Variants in GLB1 observed in about 807,000 individuals in gnomAD.
GLB1 encodes the protein galactosidase beta 1.
A neutral mutation model predicts 74.0 loss-of-function variants in GLB1; 56 were observed. The observed-to-expected ratio is 0.76, with a 90% CI of 0.61 to 0.94. The LOEUF (loss-of-function observed/expected upper bound fraction) is 0.94, where lower values mean the gene tolerates loss of function less well. Ranked by LOEUF, GLB1 falls within the 40% of genes least tolerant of loss-of-function variation. The probability of loss-of-function intolerance (pLI) is 0.00; values close to 1 mark genes in which losing one functional copy is unlikely to be tolerated. For synonymous variants in GLB1, 323 were observed against 323.6 expected, an observed-to-expected ratio of 1.00 and a Z score of 0.02; for missense variants, 787 against 845.5, an observed-to-expected ratio of 0.93 and a Z score of 0.86.
downstream of GLB1, among the ~76,000 whole-genome samples, chr3:32,993,757 A>G (rs1281974925): frequency 6.6e-6 from 1 of 151,750 alleles, no homozygotes; most frequent in Non-Finnish European, 1.5e-5. Flanking sequence ...GCTGGTCTCG[A>G]ACTCCTGACC....
downstream of GLB1, chr3:32,996,492 T>C (rs1696313117): frequency 5.2e-6 from 1 of 190,578 alleles, no homozygotes; most frequent in African/African-American, 2.4e-5. Flanking sequence ...ACTGTGCAAC[T>C]GTTAATCATT....
At chr3:32,988,541 C>T in the GLB1 span, among the ~76,000 whole-genome samples, 39 of 152,306 alleles carry the variant, frequency 2.6e-4, no homozygotes, top group African/African-American at 8.9e-4. Context: ...ATGGGTGGCT[C>T]CTTCCTAGCT....
intron 10 of GLB1, among the ~76,000 whole-genome samples, chr3:33,036,729 G>C (rs60508576): frequency 0.86 from 129,996 of 151,816 alleles, 56,429 homozygotes; most frequent in Admixed American, 0.93. Flanking sequence ...ACGTTACAAC[G>C]TTGAAAACAT....
chr3:32,992,962 C>A (rs1293874707), downstream of GLB1, among the ~76,000 whole-genome samples: 6 of 152,184 alleles, frequency 3.9e-5, no homozygotes, highest in African/African-American at 1.4e-4. Flanking sequence ...ACCACCTGGC[C>A]CCACTGTCTG....
chr3:32,967,647 C>T, the GLB1 span, among the ~76,000 whole-genome samples: 1 of 151,664 alleles, frequency 6.6e-6, no homozygotes, highest in African/African-American at 2.4e-5. Context: ...TCCTCCTGAA[C>T]CCCATCGGTC....
chr3:32,986,330 AT>A, the GLB1 span, among the ~76,000 whole-genome samples: 1,836 of 152,346 alleles, frequency 0.012, 41 homozygotes, highest in African/African-American at 0.041. Flanking sequence ...AGGATAAGAA[AT>A]AAATCTTTTT....
intron 5 of GLB1, among the ~76,000 whole-genome samples, chr3:33,060,154 C>T (rs890547787): frequency 2.0e-5 from 3 of 152,216 alleles, no homozygotes; most frequent in African/African-American, 7.2e-5. Flanking sequence ...GTTATCTGCA[C>T]AGTCCTGCCT....
At chr3:32,993,949 C>G (rs187749453), downstream of GLB1, among the ~76,000 whole-genome samples, 10 of 152,180 alleles carry the variant, frequency 6.6e-5, no homozygotes, top group Admixed American at 6.5e-4. Context: ...GATTACAGGT[C>G]TAAGGGTAAT....
the GLB1 span, among the ~76,000 whole-genome samples, chr3:32,961,254 G>T: frequency 6.6e-6 from 1 of 152,352 alleles, no homozygotes; most frequent in East Asian, 1.9e-4. Context: ...CAGACTTAGA[G>T]ACAGAGATCC....
At chr3:33,005,809 G>C (rs1424344348) in intron 15 of GLB1, among the ~76,000 whole-genome samples, 2 of 152,160 alleles carry the variant, frequency 1.3e-5, no homozygotes, top group African/African-American at 4.8e-5. Flanking sequence ...AATTTCAAAA[G>C]CAAGATGCAA....
chr3:32,979,046 A>G, the GLB1 span, among the ~76,000 whole-genome samples: 2 of 148,844 alleles, frequency 1.3e-5, no homozygotes, highest in Non-Finnish European at 3.0e-5. Context: ...GCGCAATCTC[A>G]ATTCACCGCA....
intron 10 of GLB1, among the ~76,000 whole-genome samples, chr3:33,042,251 T>C (rs1429444127): frequency 1.3e-5 from 2 of 152,064 alleles, no homozygotes; most frequent in Non-Finnish European, 2.9e-5. Flanking sequence ...TAACAACGGC[T>C]CTGCTCAACT....
chr3:33,086,977 T>C (rs1353289999), intron 1 of GLB1, among the ~76,000 whole-genome samples: 2 of 124,724 alleles, frequency 1.6e-5, no homozygotes, highest in Middle Eastern at 4.3e-3. Context: ...AATAGAAAGA[T>C]AGTAGGAAAA....
At chr3:33,003,559 G>GA (rs1346732057) in intron 15 of GLB1, among the ~76,000 whole-genome samples, 1 of 152,210 alleles carries the variant, frequency 6.6e-6, no homozygotes, top group Non-Finnish European at 1.5e-5. Context: ...TGTGCAACTG[G>GA]AAACAGTGAA....
rs373859900 is a variant in GLB1, at chr3:33,046,250, G to A, written c.956-18C>T. 1 of 1,613,520 alleles carries A rather than the reference G, an allele frequency of 6.2e-7. No homozygotes were observed. The highest frequency in any genetic ancestry group is 1.3e-5 in the African/African-American group (1 of 74,866). ...GTTGGCCCCTAGAAGACAAAAATGT[G>A]CCACTAGTTATTACTGATGGTGCAG... On this transcript the variant is annotated intron_variant, in intron 9 of 15. Coordinates refer to ENST00000307363, the MANE Select transcript of GLB1 (RefSeq NM_000404.4).
At position 33,021,599 on chromosome 3, in the gene GLB1, G is replaced by C; in HGVS notation, c.1200C>G (p.Ser400Arg). The C allele has an allele frequency of 1.2e-6, 2 of 1,613,914 alleles. No individual in the cohort carries two copies. The highest frequency in any genetic ancestry group is 2.2e-5 in the East Asian group (1 of 44,892). The change falls in exon 12 of 16, where the codon AGC becomes AGG. Residue 400 changes from serine to arginine, a missense_variant. Transcript: ENST00000307363. ...DILCPSGPIK[S>R]LYPLTFIQVK... ...CCTGGATAAATGTCAAGGGATAAAG[G>C]CTTTTGATGGGCCCAGAGGGACACA...
chr3:33,061,021 A>G (rs1453000998), intron 5 of GLB1, among the ~76,000 whole-genome samples: 2 of 152,202 alleles, frequency 1.3e-5, no homozygotes, highest in Non-Finnish European at 2.9e-5. Context: ...TAGGTGAGAC[A>G]CACAAATGAA....
intron 15 of GLB1, among the ~76,000 whole-genome samples, chr3:33,001,096 C>G (rs1441182210): frequency 6.6e-6 from 1 of 152,128 alleles, no homozygotes; most frequent in East Asian, 1.9e-4. Flanking sequence ...GCTCACTCCA[C>G]TCTCCACTAC....
chr3:32,986,601 T>G, the GLB1 span, among the ~76,000 whole-genome samples: 2 of 151,752 alleles, frequency 1.3e-5, no homozygotes, highest in Non-Finnish European at 2.9e-5. Flanking sequence ...TCTCTTTTTT[T>G]TTTTTTTGAG....
Sources: allele counts gnomAD v4.1 joint callset (sites outside exome capture counted in the v4.1 genomes callset), GRCh38; gene constraint gnomAD v4.1.1; transcripts MANE v1.5; gene names NCBI Gene and HGNC (gene_info 2026-07-23, HGNC 2026-07-21).